The following LHPP variants were observed in gnomAD, a reference collection of about 807,000 sequenced individuals.
LHPP encodes hLHPP.
Under a neutral mutation model 30.3 loss-of-function variants are expected in LHPP, and 24 were observed. The ratio of observed to expected loss-of-function variants is 0.79; its 90% CI spans 0.57 to 1.11. The LOEUF is 1.11. Ranked by LOEUF, LHPP falls within the 50% of genes most tolerant of loss-of-function variation. The pLI, the probability that LHPP is intolerant of heterozygous loss-of-function variation, is 0.00. For missense variants in LHPP, 356 were observed against 367.2 expected, an observed-to-expected ratio of 0.97 and a Z score of 0.25; for synonymous variants, 150 against 157.1, an observed-to-expected ratio of 0.95 and a Z score of 0.34.
chr10:124,462,474 A>G (rs948834815), intron 1 of LHPP, among the ~76,000 whole-genome samples: 18 of 151,796 alleles, frequency 1.2e-4, no homozygotes, highest in African/African-American at 4.4e-4. Flanking sequence ...GCACGCCTGT[A>G]GGCCCAGCCA....
Position 124,596,028 on chromosome 10 carries a change from G to A in LHPP, c.717-17236G>A, listed in dbSNP as rs1948937493. Among the ~76,000 whole-genome samples, 1 of 152,136 alleles carries A rather than the reference G, an allele frequency of 6.6e-6. No homozygotes were observed. The highest frequency in any genetic ancestry group is 1.5e-5 in the Non-Finnish European group (1 of 68,012). On this transcript the variant is annotated intron_variant, in intron 6 of 6. Transcript: ENST00000368842. The surrounding 1 kb of genome is among the most constrained non-coding windows in gnomAD (Gnocchi z 4.6). ...CCTGACGGTAAACTTGAGGTGAATG[G>A]GCTCCTACCCATGAACACCCACCGT...
In LHPP at chr10:124,560,604, C is replaced by CGTGGTGA. The variant is rs553931221; in HGVS notation, c.716+43334_716+43340dup. On this transcript the variant is annotated intron_variant, in intron 6 of 6. Transcript: ENST00000368842. ...TTAGCCATGACTCAGAGTGGGTCTC[C>CGTGGTGA]GTGGTGATTCTGCCTCTAGAGAACA... 4.7e-4 allele frequency among the ~76,000 whole-genome samples: 71 copies of CGTGGTGA among 152,346 alleles called. 1 individual carries two copies. In the South Asian group the frequency reaches 0.014, roughly 29 times the overall value.
chr10:124,605,022 G>A (rs115700001), intron 6 of LHPP, among the ~76,000 whole-genome samples: 6,903 of 152,332 alleles, frequency 0.045, 200 homozygotes, highest in South Asian at 0.099. Context: ...CCCAGGAGGC[G>A]GTGCTGGCCT....
At chr10:124,597,785 G>A (rs1948968166) in intron 6 of LHPP, among the ~76,000 whole-genome samples, 1 of 152,216 alleles carries the variant, frequency 6.6e-6, no homozygotes, top group Admixed American at 6.5e-5. Context: ...ACAGACCTCG[G>A]GGGGATCTGG....
intron 6 of LHPP, among the ~76,000 whole-genome samples, chr10:124,542,765 G>T (rs536752159): frequency 7.9e-5 from 12 of 152,166 alleles, no homozygotes; most frequent in African/African-American, 2.7e-4. Flanking sequence ...CTTCTTGATC[G>T]CCTCCTTGCC....
intron 1 of LHPP, among the ~76,000 whole-genome samples, chr10:124,480,804 G>A (rs7070581): frequency 0.14 from 21,688 of 152,238 alleles, 1,883 homozygotes; most frequent in Non-Finnish European, 0.19. Flanking sequence ...TGAAGAAGAC[G>A]TTGCCAGCCT....
chr10:124,486,679 G>C (rs1270240768), intron 2 of LHPP, among the ~76,000 whole-genome samples: 1 of 152,242 alleles, frequency 6.6e-6, no homozygotes, highest in African/African-American at 2.4e-5. Flanking sequence ...TTTTTGTGTA[G>C]ACATTAGCAC....
chr10:124,578,377 C>T (rs908048225), intron 6 of LHPP, among the ~76,000 whole-genome samples: 1 of 152,214 alleles, frequency 6.6e-6, no homozygotes, highest in Admixed American at 6.5e-5. Flanking sequence ...GGGTCCTCTG[C>T]GGAGCCCGAT....
chr10:124,586,075 T>C (rs956193799), intron 6 of LHPP, among the ~76,000 whole-genome samples: 4 of 151,988 alleles, frequency 2.6e-5, no homozygotes, highest in African/African-American at 9.7e-5. Context: ...TGAGCCACAC[T>C]ACACCCGGCC....
chr10:124,539,835 G>A (rs1955137968), intron 6 of LHPP, among the ~76,000 whole-genome samples: 1 of 152,046 alleles, frequency 6.6e-6, no homozygotes, highest in African/African-American at 2.4e-5. Flanking sequence ...CCAGAAGGTT[G>A]AGGCTGCATT....
In LHPP at chr10:124,589,204, T is replaced by G. The variant is rs1948846084; in HGVS notation, c.717-24060T>G. ...TGCAGAAATGTCAGGAGCCTTTTCC[T>G]GCATAAGGCATCTCAGAGCTTATAG... is the stretch of plus-strand genomic sequence containing the variant. On this transcript the variant is annotated intron_variant, in intron 6 of 6. Transcript: ENST00000368842. Among the ~76,000 whole-genome samples the G allele has an allele frequency of 2.0e-5, 3 of 152,376 alleles. No individual in the cohort carries two copies. The South Asian group carries it at 6.2e-4, about 32-fold the overall frequency.
At chr10:124,538,214 C>T (rs61870211) in intron 6 of LHPP, among the ~76,000 whole-genome samples, 10 of 37,234 alleles carry the variant, frequency 2.7e-4, no homozygotes, top group African/African-American at 4.9e-4. Context: ...GGTCACCATG[C>T]GGGGCTCACC....
At chr10:124,516,318 AG>A (rs1199376930) in intron 5 of LHPP, among the ~76,000 whole-genome samples, 1 of 152,212 alleles carries the variant, frequency 6.6e-6, no homozygotes, top group African/African-American at 2.4e-5. Context: ...TGGTAAGGAC[AG>A]CAGTCCCATC....
intron 6 of LHPP, among the ~76,000 whole-genome samples, chr10:124,534,163 C>A (rs1481646685): frequency 6.6e-6 from 1 of 152,244 alleles, no homozygotes; most frequent in Non-Finnish European, 1.5e-5. Flanking sequence ...GCAGGAGAGT[C>A]TCTCTGCATG....
rs1170772087 is a variant in LHPP at position 124,590,433 on chromosome 10, C to T, written c.717-22831C>T. 5.3e-5 allele frequency among the ~76,000 whole-genome samples: 8 copies of T among 152,130 alleles called. No homozygotes were observed. The South Asian group carries it at 1.5e-3, about 28-fold the overall frequency. Reference sequence around the variant, plus strand: ...TGACCCAGAATTCTGAGTTGAGTTCCGACGCAGGCGTGGGCGATGGTGAGC... The same window carrying T: ...TGACCCAGAATTCTGAGTTGAGTTCTGACGCAGGCGTGGGCGATGGTGAGC... On this transcript the variant is annotated intron_variant, in intron 6 of 6. Transcript: ENST00000368842. The surrounding 1 kb of genome is among the most constrained non-coding windows in gnomAD (Gnocchi z 4.3).
intron 6 of LHPP, among the ~76,000 whole-genome samples, chr10:124,544,836 C>T (rs919087657): frequency 1.3e-5 from 2 of 152,228 alleles, no homozygotes; most frequent in African/African-American, 4.8e-5. Flanking sequence ...GTGGCTGTCC[C>T]TCCTGGTGCA....
At chr10:124,580,721 CTTTTTTT>C (rs369288920) in intron 6 of LHPP, among the ~76,000 whole-genome samples, 19,693 of 75,808 alleles carry the variant, frequency 0.26, 1,727 homozygotes, top group Non-Finnish European at 0.32. Context: ...TTTTTTTTTT[CTTTTTTT>C]TTTTTTTGAG....
intron 6 of LHPP, among the ~76,000 whole-genome samples, chr10:124,589,522 G>A (rs1948849239): frequency 6.6e-6 from 1 of 152,212 alleles, no homozygotes; most frequent in South Asian, 2.1e-4. Context: ...AGGTCCTGGA[G>A]GTGGCCATGG....
intron 6 of LHPP, among the ~76,000 whole-genome samples, chr10:124,600,303 T>C (rs1949004723): frequency 6.6e-6 from 1 of 152,240 alleles, no homozygotes; most frequent in Non-Finnish European, 1.5e-5. Context: ...CCTGCAGCTC[T>C]TCCTAGGCCC....
Sources: allele counts gnomAD v4.1 joint callset (sites outside exome capture counted in the v4.1 genomes callset), GRCh38; gene constraint gnomAD v4.1.1; non-coding constraint Gnocchi (gnomAD v3.1); transcripts MANE v1.5; gene names NCBI Gene and HGNC (gene_info 2026-07-23, HGNC 2026-07-21).